The following ACTN1 variants were observed in gnomAD, a reference collection of about 807,000 sequenced individuals.
ACTN1 encodes the protein actinin alpha 1.
A neutral mutation model predicts 119.6 loss-of-function variants in ACTN1; 30 were observed. The observed-to-expected ratio is 0.25, with a 90% confidence interval of 0.19 to 0.34. ACTN1 has a LOEUF of 0.34. Among genes scored for constraint, ACTN1 ranks in the 10% least tolerant of loss-of-function variants. The probability of loss-of-function intolerance (pLI) is 1.00; values close to 1 mark genes in which losing one functional copy is unlikely to be tolerated. For missense variants in ACTN1, 764 were observed against 1,223.4 expected, an observed-to-expected ratio of 0.62 and a Z score of 5.60; for synonymous variants, 429 against 472.6, an observed-to-expected ratio of 0.91 and a Z score of 1.20.
intron 1 of ACTN1, among the ~76,000 whole-genome samples, chr14:68,933,300 AT>A (rs2035321652): frequency 6.6e-6 from 1 of 151,740 alleles, no homozygotes; most frequent in Non-Finnish European, 1.5e-5. Flanking sequence ...TACCTGGGTA[AT>A]TTTTTTGTAT....
Position 68,924,842 on chromosome 14 carries a change from G to A in ACTN1, c.220+716C>T, listed in dbSNP as rs532961578. ...TCCCAGCTTGGGTGCAGAAGAACAG[G>A]ACTCTGGGAGGGAAAAGAGGTTTGC... On this transcript the variant is annotated intron_variant, in intron 2 of 21. Transcript: ENST00000394419. 1.9e-4 allele frequency among the ~76,000 whole-genome samples: 29 copies of A among 152,338 alleles called. 1 individual carries two copies. In the South Asian group the frequency reaches 5.8e-3, roughly 30 times the overall value.
At chr14:68,877,428 G>A in intron 20 of ACTN1, 188 bp from the exon 21 acceptor site, 1 of 612,012 alleles carries the variant, frequency 1.6e-6, no homozygotes, top group Non-Finnish European at 2.8e-6. Context: ...ACCCAGCTCA[G>A]GGTTCCCCAC....
intron 1 of ACTN1, among the ~76,000 whole-genome samples, chr14:68,953,415 G>A (rs2140554423): frequency 6.6e-6 from 1 of 152,292 alleles, no homozygotes; most frequent in South Asian, 2.1e-4. Flanking sequence ...AGCGTGCCCA[G>A]CACAGGGACA....
chr14:68,945,174 AAAAG>A (rs113626109), intron 1 of ACTN1, among the ~76,000 whole-genome samples: 133 of 150,758 alleles, frequency 8.8e-4, no homozygotes, highest in Middle Eastern at 6.8e-3. Flanking sequence ...AAAAAAAAAA[AAAAG>A]AAAGAAAGAA....
chr14:68,932,843 GGTAA>G, intron 1 of ACTN1, among the ~76,000 whole-genome samples: 1 of 152,186 alleles, frequency 6.6e-6, no homozygotes, highest in Non-Finnish European at 1.5e-5. Flanking sequence ...CCTAGTTGCT[GGTAA>G]CATCGCCCAA....
intron 1 of ACTN1, among the ~76,000 whole-genome samples, chr14:68,953,852 C>G (rs1297760462): frequency 6.7e-6 from 1 of 150,074 alleles, no homozygotes; most frequent in Non-Finnish European, 1.5e-5. Context: ...CGCCACTGCA[C>G]TCCAGCCTGG....
In ACTN1 at chr14:68,882,155, C is replaced by T. The variant is rs1000824730; in HGVS notation, c.1953+303G>A. On this transcript the variant is annotated intron_variant, in intron 16 of 21. Coordinates refer to ENST00000394419, the MANE Select transcript of ACTN1 (RefSeq NM_001130004.2). The surrounding 1 kb of genome is among the most constrained non-coding windows in gnomAD (Gnocchi z 4.5). ...TTCACCATGTTGGCCAGGCTGGTCTCGAACTCCTGACCTCAGGTGATCCAC... is the reference window on the plus strand; with the variant it reads ...TTCACCATGTTGGCCAGGCTGGTCTTGAACTCCTGACCTCAGGTGATCCAC... 6.6e-5 allele frequency among the ~76,000 whole-genome samples: 10 copies of T among 151,962 alleles called. No homozygotes were observed. The highest frequency in any genetic ancestry group is 2.4e-4 in the African/African-American group (10 of 41,362).
chr14:68,957,655 G>C (rs752209646), intron 1 of ACTN1, among the ~76,000 whole-genome samples: 5 of 152,182 alleles, frequency 3.3e-5, no homozygotes, highest in Non-Finnish European at 7.3e-5. Context: ...TGATGGTGGA[G>C]CTACCCAGTA....
At chr14:68,911,784 G>A (rs1038479081) in intron 4 of ACTN1, among the ~76,000 whole-genome samples, 7 of 152,218 alleles carry the variant, frequency 4.6e-5, no homozygotes, top group Admixed American at 3.3e-4. Flanking sequence ...ACTAGAGGGT[G>A]CTAGGGGAGC....
intron 6 of ACTN1, 77 bp from the exon 7 acceptor site, chr14:68,904,813 A>C (rs1594790303): frequency 7.7e-7 from 1 of 1,295,322 alleles, no homozygotes; most frequent in African/African-American, 1.5e-5. Context: ...TTGGGTGGCC[A>C]CCCAAACTGG....
intron 1 of ACTN1, among the ~76,000 whole-genome samples, chr14:68,953,895 A>G (rs924133182): frequency 2.6e-5 from 4 of 151,990 alleles, no homozygotes; most frequent in Non-Finnish European, 4.4e-5. Context: ...CAAAAAAAAA[A>G]AAAAGAAAAG....
At chr14:68,893,336 TCA>T (rs2032639919) in intron 9 of ACTN1, among the ~76,000 whole-genome samples, 1 of 152,064 alleles carries the variant, frequency 6.6e-6, no homozygotes, top group African/African-American at 2.4e-5. Context: ...GAAGCAAAAC[TCA>T]CAGACTAAGA....
rs58500225 is a variant in ACTN1, at chr14:68,881,955, T to TTTTTTTTTTTTAGA, written c.1953+502_1953+503insTCTAAAAAAAAAAA. The stretch of plus-strand genomic sequence containing the variant: ...CAGCTTCTTTTTTTTTTTTTTTTTT[T>TTTTTTTTTTTTAGA]GACAGAGTCTTGCTCTGTTGCCCAA... On this transcript the variant is annotated intron_variant, in intron 16 of 21. Transcript: ENST00000394419. Among the ~76,000 whole-genome samples, 3 of 103,002 alleles carry TTTTTTTTTTTTAGA rather than the reference T, an allele frequency of 2.9e-5. 1 individual carries two copies. The highest frequency in any genetic ancestry group is 8.7e-5 in the African/African-American group (2 of 22,886). 67.6% of individuals were successfully genotyped at this position (103,002 alleles called of 152,430 possible).
At chr14:68,901,842 C>T (rs377735193) in intron 8 of ACTN1, among the ~76,000 whole-genome samples, 6 of 152,312 alleles carry the variant, frequency 3.9e-5, no homozygotes, top group African/African-American at 1.2e-4. Context: ...GGACACTTGA[C>T]GGGGCTCACA....
chr14:68,889,894 A>G (rs2032336403), intron 11 of ACTN1, among the ~76,000 whole-genome samples: 1 of 152,254 alleles, frequency 6.6e-6, no homozygotes, highest in South Asian at 2.1e-4. Flanking sequence ...TCTCCTCAGA[A>G]CTTCGTTATG....
chr14:68,924,407 C>T lies in ACTN1; in HGVS notation c.220+1151G>A, dbSNP rs117965746. On this transcript the variant is annotated intron_variant, in intron 2 of 21. Coordinates refer to ENST00000394419, the MANE Select transcript of ACTN1 (RefSeq NM_001130004.2). ...TGCATGTCATCTGGGGAGAGCTGCA[C>T]GTTCCCCCTGCCCCCACCCCACAAC... 1.5e-3 allele frequency among the ~76,000 whole-genome samples: 232 copies of T among 152,322 alleles called. 7 individuals carry two copies. In the East Asian group the frequency reaches 0.043, roughly 28 times the overall value.
intron 1 of ACTN1, chr14:68,978,338 G>A (rs1301652754): frequency 7.7e-6 from 3 of 391,976 alleles, no homozygotes; most frequent in Middle Eastern, 3.8e-4. Flanking sequence ...CAGGGCCCGC[G>A]GGGGAGCCCG....
rs775826419 is a variant in ACTN1 at position 68,878,528 on chromosome 14, G to C, written c.2362-5C>G. On this transcript the variant is annotated splice_polypyrimidine_tract_variant and splice_region_variant and intron_variant, in intron 19 of 21. Coordinates refer to ENST00000394419, the MANE Select transcript of ACTN1 (RefSeq NM_001130004.2). This position sits in a 1 kb window ranked among gnomAD's most constrained non-coding sequence, Gnocchi z 4.4. Reference sequence around the variant, plus strand: ...GTCCATCATGCCTGTCTTCTTCTGTGGGGGGCAGTGGTACCAAGACACAAG... The same window carrying C: ...GTCCATCATGCCTGTCTTCTTCTGTCGGGGGCAGTGGTACCAAGACACAAG... The C allele has an allele frequency of 3.5e-5, 57 of 1,608,742 alleles. No individual in the cohort carries two copies. The highest frequency in any genetic ancestry group is 6.7e-5 in the Admixed American group (4 of 59,674).
intron 1 of ACTN1, among the ~76,000 whole-genome samples, chr14:68,929,299 G>A (rs1413669876): frequency 6.6e-6 from 1 of 152,110 alleles, no homozygotes; most frequent in Non-Finnish European, 1.5e-5. Flanking sequence ...CAGTGCTCCA[G>A]GGGTCCAGCA....
Sources: allele counts gnomAD v4.1 joint callset (sites outside exome capture counted in the v4.1 genomes callset), GRCh38; gene constraint gnomAD v4.1.1; non-coding constraint Gnocchi (gnomAD v3.1); transcripts MANE v1.5; gene names NCBI Gene and HGNC (gene_info 2026-07-23, HGNC 2026-07-21).